Variants in TARDBP observed in about 807,000 individuals in gnomAD.
TARDBP encodes the protein TAR DNA-binding protein 43.
A neutral mutation model predicts 38.3 loss-of-function variants in TARDBP; 4 were observed. That is an observed-to-expected ratio of 0.10 (90% CI 0.05 to 0.24). The LOEUF is 0.24. TARDBP is among the 10% of genes least tolerant of loss of function. The probability of loss-of-function intolerance (pLI) is 1.00; values close to 1 mark genes in which losing one functional copy is unlikely to be tolerated. For synonymous variants in TARDBP, 184 were observed against 183.8 expected (o/e 1.00, Z -0.01); for missense variants, 202 against 521.9 (o/e 0.39, Z 5.97).
In TARDBP at chr1:11,022,712, CATGGT is replaced by C. The variant is rs1332428222; in HGVS notation, c.*60_*64del. On this transcript the variant is annotated 3_prime_UTR_variant, in exon 6 of 6. Transcript: ENST00000240185. The surrounding 1 kb of genome is among the most constrained non-coding windows in gnomAD (Gnocchi z 4.5). ...GTGGGAATTCAAATTTTTCTAAACT[CATGGT>C]AAGTATATTGTAAAATACATATGTA... 1 of 1,578,842 alleles carries C rather than the reference CATGGT, an allele frequency of 6.3e-7. No homozygotes were observed. The highest frequency in any genetic ancestry group is 8.6e-7 in the Non-Finnish European group (1 of 1,164,390).
chr1:11,013,841 G>C lies in TARDBP; in HGVS notation c.114G>C (p.Ala38=), dbSNP rs535276506. ...LSTVTAQFPG[A]CGLRYRNPVS... Reference sequence around the variant, plus strand: ...CGGTTACAGCCCAGTTTCCAGGGGCGTGTGGGCTTCGCTACAGGAATCCAG... The same window carrying C: ...CGGTTACAGCCCAGTTTCCAGGGGCCTGTGGGCTTCGCTACAGGAATCCAG... The change falls in exon 2 of 6, where the codon GCG becomes GCC. Residue 38 remains alanine, a synonymous_variant. Transcript: ENST00000240185. The C allele has an allele frequency of 8.1e-6, 13 of 1,613,982 alleles. No individual in the cohort carries two copies. The highest frequency in any genetic ancestry group is 3.3e-5 in the Admixed American group (2 of 59,996).
At chr1:11,030,050 T>C (rs1643816312), downstream of TARDBP, 21 of 646,138 alleles carry the variant, frequency 3.3e-5, no homozygotes, top group East Asian at 3.4e-4. Flanking sequence ...TTGGAAATAA[T>C]AACAGCCTAA....
At chr1:11,026,574 A>G (rs771262318), downstream of TARDBP, 8 of 213,324 alleles carry the variant, frequency 3.8e-5, no homozygotes, top group South Asian at 1.8e-4. Context: ...GTTTACAGAA[A>G]TGCCAACAGC....
intron 2 of TARDBP, among the ~76,000 whole-genome samples, chr1:11,015,240 C>G (rs1355547983): frequency 6.6e-6 from 1 of 151,754 alleles, no homozygotes; most frequent in Admixed American, 6.6e-5. Flanking sequence ...AATCCCAGCA[C>G]TTTGGGAGGC....
downstream of TARDBP, chr1:11,026,678 G>T (rs929544552): frequency 5.0e-6 from 2 of 399,142 alleles, no homozygotes; most frequent in Non-Finnish European, 8.8e-6. Context: ...CACTCTCGTG[G>T]TTTATGTCCC....
intron 2 of TARDBP, among the ~76,000 whole-genome samples, chr1:11,016,545 C>T (rs1267857618): frequency 6.6e-6 from 1 of 152,144 alleles, no homozygotes; most frequent in African/African-American, 2.4e-5. Context: ...TATTTAAAGT[C>T]AAAGTGAAGT....
downstream of TARDBP, chr1:11,027,454 G>C: frequency 6.2e-7 from 1 of 1,613,998 alleles, no homozygotes; most frequent in South Asian, 1.1e-5. Flanking sequence ...GTGCCCATTC[G>C]AATGTCCAGG....
downstream of TARDBP, chr1:11,026,836 T>C (rs756974099): frequency 1.4e-6 from 2 of 1,441,526 alleles, no homozygotes; most frequent in Non-Finnish European, 1.8e-6. Context: ...TGCCAAGGTC[T>C]TCACAGGCAT....
intron 3 of TARDBP, among the ~76,000 whole-genome samples, chr1:11,017,495 C>T (rs1235107728): frequency 6.6e-6 from 1 of 152,162 alleles, no homozygotes; most frequent in Non-Finnish European, 1.5e-5. Context: ...GCCACCGCGC[C>T]CGGCCACATT....
At chr1:11,029,405 AT>A (rs960592377), downstream of TARDBP, among the ~76,000 whole-genome samples, 50 of 151,218 alleles carry the variant, frequency 3.3e-4, no homozygotes, top group African/African-American at 1.1e-3. Context: ...GTCTCAAAAA[AT>A]AATAATAATA....
intron 5 of TARDBP, among the ~76,000 whole-genome samples, chr1:11,020,805 T>C (rs1643622398): frequency 6.6e-6 from 1 of 151,568 alleles, no homozygotes; most frequent in South Asian, 2.1e-4. Flanking sequence ...TCCCAGCTAC[T>C]CTGGAGCCTG....
chr1:11,025,514 TG>T (rs1368092653), downstream of TARDBP: 1 of 152,168 alleles, frequency 6.6e-6, no homozygotes, highest in Non-Finnish European at 1.5e-5. Context: ...GGAGTCTTAC[TG>T]GAAAAACACG....
intron 2 of TARDBP, among the ~76,000 whole-genome samples, chr1:11,014,396 T>C (rs1215240533): frequency 6.6e-6 from 1 of 152,242 alleles, no homozygotes; most frequent in Non-Finnish European, 1.5e-5. Flanking sequence ...CTTGAATTAG[T>C]GCAGTTCCAA....
intron 2 of TARDBP, among the ~76,000 whole-genome samples, chr1:11,014,529 T>G (rs896824743): frequency 5.9e-5 from 9 of 152,238 alleles, no homozygotes; most frequent in Admixed American, 3.9e-4. Flanking sequence ...TTCAGCATTT[T>G]GAAGTAGTGT....
At chr1:11,012,943 GC>G (rs937289093) in intron 1 of TARDBP, among the ~76,000 whole-genome samples, 200 bp downstream of exon 1, 129 of 152,280 alleles carry the variant, frequency 8.5e-4, no homozygotes, top group African/African-American at 3.1e-3. Context: ...GAAACGGGGG[GC>G]CGGGCCCGCG....
At position 11,013,719 on chromosome 1, in the gene TARDBP, A is replaced by G. The variant is rs531845599; in HGVS notation, c.-9A>G. Reference sequence around the variant, plus strand: ...TTCATATCTCTTTTCTCTTTAGGAAAAGTAAAAGATGTCTGAATATATTCG... The same window carrying G: ...TTCATATCTCTTTTCTCTTTAGGAAGAGTAAAAGATGTCTGAATATATTCG... On this transcript the variant is annotated 5_prime_UTR_variant, in exon 2 of 6. Transcript: ENST00000240185. 1 of 1,597,586 alleles carries G rather than the reference A, an allele frequency of 6.3e-7. No individual in the cohort carries two copies. The highest frequency in any genetic ancestry group is 1.8e-5 in the Admixed American group (1 of 57,120).
Position 11,023,305 on chromosome 1 carries a change from C to G in TARDBP, c.*651C>G. ...TTTCTCATTCAAGAATTCGTCATCA[C>G]GCATCACAGGCCGCGTCTTTGACGG... On this transcript the variant is annotated 3_prime_UTR_variant, in exon 6 of 6. Coordinates refer to ENST00000240185, the MANE Select transcript of TARDBP (RefSeq NM_007375.4). The G allele has an allele frequency of 6.5e-7, 1 of 1,528,790 alleles. No homozygotes were observed. Among genetic ancestry groups the G allele is most frequent in the Non-Finnish European group, 8.9e-7 (1 of 1,128,020 alleles). 94.7% of individuals were successfully genotyped at this position (1,528,790 alleles called of 1,614,324 possible). A position where few individuals can be genotyped will look rare whatever the true frequency, so the allele number is the denominator to read the frequency against.
At position 11,023,708 on chromosome 1, in the gene TARDBP, G is replaced by A. The variant is rs1643682667; in HGVS notation, c.*1054G>A. ...TAGATAACCCACATTAGATGAATGT[G>A]TTAAGTGAAATGATACTTGTACTCC... On this transcript the variant is annotated 3_prime_UTR_variant, in exon 6 of 6. Transcript: ENST00000240185. 1 of 171,924 alleles carries A rather than the reference G, an allele frequency of 5.8e-6. No individual in the cohort carries two copies. Among genetic ancestry groups the A allele is most frequent in the Non-Finnish European group, 1.3e-5 (1 of 79,932 alleles). The allele number at this position is 171,924 out of a possible 1,614,324, so 10.6% of individuals were successfully genotyped here.
At chr1:11,020,370 GT>G in intron 4 of TARDBP, 58 bp from the exon 5 acceptor site, 2 of 1,603,514 alleles carry the variant, frequency 1.2e-6, no homozygotes, top group Non-Finnish European at 1.7e-6. Flanking sequence ...TTACCTTAAT[GT>G]TTTTTTCATT....
Sources: gnomAD v4.1 joint callset for allele counts (sites outside exome capture counted in the v4.1 genomes callset) on GRCh38, gnomAD v4.1.1 for gene constraint, Gnocchi (gnomAD v3.1) non-coding constraint, MANE v1.5 for transcripts, NCBI Gene and HGNC (gene_info 2026-07-23, HGNC 2026-07-21) for gene names.